The following LRP2 variants were observed in gnomAD, a reference collection of about 807,000 sequenced individuals.
LRP2 encodes the protein LDL receptor related protein 2.
A neutral mutation model predicts 531.0 loss-of-function variants in LRP2; 172 were observed. The observed-to-expected ratio is 0.32, with a 90% CI of 0.29 to 0.37. LRP2 has a LOEUF of 0.37. LRP2 is among the 10% of genes least tolerant of loss of function. LRP2 has a pLI of 1.00. For missense variants in LRP2, 5,167 were observed against 5,868.3 expected, an observed-to-expected ratio of 0.88 and a Z score of 3.90; for synonymous variants, 1,992 against 2,027.6, an observed-to-expected ratio of 0.98 and a Z score of 0.47.
intron 1 of LRP2, among the ~76,000 whole-genome samples, chr2:169,352,759 C>T (rs1685883606): frequency 6.6e-6 from 1 of 151,754 alleles, no homozygotes; most frequent in Non-Finnish European, 1.5e-5. Flanking sequence ...GAACAGAAAA[C>T]CAAACACCGC....
At chr2:169,184,992 C>T (rs1574108043) in intron 50 of LRP2, among the ~76,000 whole-genome samples, 1 of 152,070 alleles carries the variant, frequency 6.6e-6, no homozygotes, top group East Asian at 1.9e-4. Context: ...AACTTCTGGG[C>T]TCAAGCGATC....
Position 169,159,144 on chromosome 2 carries a change from G to A in LRP2, c.11888-1642C>T, listed in dbSNP as rs148264745. ...ATAGTGAGTGATAATGGGGGAAAGA[G>A]AGGCAGTGGTTATCTCCATTAAGGA... On this transcript the variant is annotated intron_variant, in intron 63 of 78. Transcript: ENST00000649046. Among the ~76,000 whole-genome samples, 463 of 152,280 alleles carry A rather than the reference G, an allele frequency of 3.0e-3. 3 individuals carry two copies. The highest frequency in any genetic ancestry group is 0.011 in the African/African-American group (440 of 41,564).
intron 55 of LRP2, 97 bp downstream of exon 55, chr2:169,175,095 GT>G: frequency 8.2e-7 from 1 of 1,215,658 alleles, no homozygotes; most frequent in South Asian, 1.3e-5. Flanking sequence ...CTTTGAACTG[GT>G]TTTTAGTTCA....
chr2:169,326,135 TC>T, intron 1 of LRP2, among the ~76,000 whole-genome samples: 1 of 67,956 alleles, frequency 1.5e-5, no homozygotes, highest in Admixed American at 1.2e-4. Context: ...TTGCTCTGCC[TC>T]TCCCTCTCCC....
At chr2:169,339,479 G>C (rs1685505832) in intron 1 of LRP2, among the ~76,000 whole-genome samples, 1 of 152,046 alleles carries the variant, frequency 6.6e-6, no homozygotes, top group Non-Finnish European at 1.5e-5. Context: ...TTAACTCTTT[G>C]CTAAATTATT....
At chr2:169,177,346 G>A (rs778870209) in intron 53 of LRP2, among the ~76,000 whole-genome samples, 6 of 151,952 alleles carry the variant, frequency 3.9e-5, no homozygotes, top group African/African-American at 9.7e-5. Context: ...ACACTAAAAC[G>A]CACTGCTCTT....
chr2:169,304,914 A>G (rs1309745094), intron 4 of LRP2, among the ~76,000 whole-genome samples: 6 of 152,154 alleles, frequency 3.9e-5, no homozygotes, highest in African/African-American at 1.4e-4. Context: ...GTCTTTTACA[A>G]GGACATGGAT....
intron 1 of LRP2, 58 bp from the exon 2 acceptor site, chr2:169,320,942 A>C: frequency 8.1e-7 from 1 of 1,231,460 alleles, no homozygotes. Flanking sequence ...TAACCGAAGA[A>C]ATATAAATTT....
rs141173105 is a variant in LRP2, at chr2:169,223,009, G to A, written c.5538+2301C>T. ...CACTGGAGCACAGGTATTTGTTTAT[G>A]TATCCATCTCACAGATATGTGAGCT... On this transcript the variant is annotated intron_variant, in intron 33 of 78. Transcript: ENST00000649046. Among the ~76,000 whole-genome samples, 928 of 152,202 alleles carry A rather than the reference G, an allele frequency of 6.1e-3. 8 individuals are homozygous for A. Among genetic ancestry groups the A allele is most frequent in the Non-Finnish European group, 9.1e-3 (618 of 68,010 alleles).
chr2:169,266,674 T>C (rs1306501883), intron 16 of LRP2, among the ~76,000 whole-genome samples: 2 of 152,058 alleles, frequency 1.3e-5, no homozygotes, highest in Non-Finnish European at 2.9e-5. Context: ...TATGTTATAT[T>C]GCTTACAAAT....
chr2:169,315,959 CAAAAAAA>C (rs536458606), intron 3 of LRP2, among the ~76,000 whole-genome samples: 1,570 of 73,756 alleles, frequency 0.021, 13 homozygotes, highest in South Asian at 0.063. Context: ...CCCATCTCTA[CAAAAAAA>C]AAAAAAAAAA....
At chr2:169,151,944 G>T (rs952052853) in intron 67 of LRP2, among the ~76,000 whole-genome samples, 1 of 152,156 alleles carries the variant, frequency 6.6e-6, no homozygotes, top group Non-Finnish European at 1.5e-5. Context: ...TTTTTAAAAG[G>T]TGAAAAAGAA....
chr2:169,257,825 C>CCA (rs1398341429), intron 17 of LRP2, among the ~76,000 whole-genome samples: 30 of 132,390 alleles, frequency 2.3e-4, no homozygotes, highest in African/African-American at 8.1e-4. Context: ...AAAACAAAAA[C>CCA]AAAAAAAAAA....
At chr2:169,226,888 T>C (rs1191601307) in intron 31 of LRP2, among the ~76,000 whole-genome samples, 1 of 151,888 alleles carries the variant, frequency 6.6e-6, no homozygotes, top group African/African-American at 2.4e-5. Context: ...CCATGTTTGC[T>C]AAACCTCACA....
Position 169,258,915 on chromosome 2 carries a change from C to T in LRP2, c.2513+110G>A, listed in dbSNP as rs557313956. ...AAATTTAAGGTGATTTCAACTTATA[C>T]AGTTCAATCTTATATTTGCTGAACT... On this transcript the variant is annotated intron_variant, in intron 17 of 78. Transcript: ENST00000649046. The T allele has an allele frequency of 2.9e-5, 28 of 960,454 alleles. 1 individual carries two copies. The South Asian group carries it at 3.1e-4, about 11-fold the overall frequency. The allele number at this position is 960,454 out of a possible 1,614,324, so 59.5% of individuals were successfully genotyped here.
At chr2:169,134,786 T>G (rs1685433942) in intron 76 of LRP2, among the ~76,000 whole-genome samples, 1 of 152,322 alleles carries the variant, frequency 6.6e-6, no homozygotes, top group East Asian at 1.9e-4. Context: ...CCTCTATCAT[T>G]AATGCGTCTT....
In LRP2 at chr2:169,168,591, A is replaced by G. The variant is rs1686875947; in HGVS notation, c.11583T>C (p.Cys3861=). ...CATCGCCACAGTCATCATCGCCATC[A>G]CATTTCCAATATGGCGGGATACAAA... is the stretch of plus-strand genomic sequence containing the variant. ...NHVCIPPYWK[C]DGDDDCGDGS... is the part of the protein sequence containing the mutation. The change falls in exon 61 of 79, where the codon TGT becomes TGC. Residue 3861 remains cysteine (C), a synonymous_variant. Coordinates refer to ENST00000649046, the MANE Select transcript of LRP2 (RefSeq NM_004525.3). 1 of 1,613,950 alleles carries G rather than the reference A, an allele frequency of 6.2e-7. No individual in the cohort carries two copies. The highest frequency in any genetic ancestry group is 8.5e-7 in the Non-Finnish European group (1 of 1,179,940).
intron 13 of LRP2, among the ~76,000 whole-genome samples, chr2:169,276,411 G>A (rs1218623494): frequency 6.6e-6 from 1 of 152,018 alleles, no homozygotes; most frequent in Non-Finnish European, 1.5e-5. Flanking sequence ...TTCAGCAAAA[G>A]TTAGACTATA....
chr2:169,326,139 CCTCT>C, intron 1 of LRP2, among the ~76,000 whole-genome samples: 1 of 70,210 alleles, frequency 1.4e-5, no homozygotes, highest in Non-Finnish European at 2.8e-5. Flanking sequence ...TCTGCCTCTC[CCTCT>C]CCCTCTCCCT....
Sources: allele counts gnomAD v4.1 joint callset (sites outside exome capture counted in the v4.1 genomes callset), GRCh38; gene constraint gnomAD v4.1.1; transcripts MANE v1.5; gene names NCBI Gene and HGNC (gene_info 2026-07-23, HGNC 2026-07-21).